Variants in PTPRD observed in about 807,000 individuals in gnomAD.
PTPRD encodes the protein protein tyrosine phosphatase receptor type D.
Under a neutral mutation model 214.5 loss-of-function variants are expected in PTPRD, and 34 were observed. The observed-to-expected ratio is 0.16, with a 90% CI of 0.12 to 0.21. PTPRD has a LOEUF of 0.21. PTPRD is among the 10% of genes least tolerant of loss of function. PTPRD has a pLI of 1.00. For synonymous variants in PTPRD, 1,128 were observed against 845.7 expected (o/e 1.33, Z -5.79); for missense variants, 2,545 against 2,398.7 (o/e 1.06, Z -1.27).
Position 8,485,343 on chromosome 9 carries a change from C to G in PTPRD, c.3056-19G>C, listed in dbSNP as rs2135868929. 1.8e-5 allele frequency: 29 copies of G among 1,573,962 alleles called. No individual in the cohort carries two copies. Among genetic ancestry groups the G allele is most frequent in the Non-Finnish European group, 2.4e-5 (27 of 1,143,974 alleles). ...GCAAACACTGCTGGAAAAGGAAAAA[C>G]AGTGTATTTAAACTATTCTTAAAAC... On this transcript the variant is annotated intron_variant, in intron 28 of 45. Transcript: ENST00000381196.
intron 8 of PTPRD, among the ~76,000 whole-genome samples, chr9:9,409,977 T>C (rs373139777): frequency 1.3e-5 from 2 of 152,196 alleles, no homozygotes; most frequent in East Asian, 3.8e-4. Flanking sequence ...CTGACTACCA[T>C]CTTTTACTAC....
At chr9:10,241,002 A>C (rs2090922496) in intron 3 of PTPRD, among the ~76,000 whole-genome samples, 2 of 142,016 alleles carry the variant, frequency 1.4e-5, no homozygotes, top group Non-Finnish European at 3.1e-5. Context: ...AAAGAAAGAT[A>C]TAAATACCAG....
At chr9:9,542,456 A>T (rs1451668253) in intron 8 of PTPRD, among the ~76,000 whole-genome samples, 3 of 151,802 alleles carry the variant, frequency 2.0e-5, no homozygotes, top group East Asian at 3.9e-4. Flanking sequence ...TAAAAAAGTT[A>T]TATTGAATTT....
intron 4 of PTPRD, among the ~76,000 whole-genome samples, chr9:10,022,667 CATTAA>C (rs1428339090): frequency 6.6e-6 from 1 of 152,106 alleles, no homozygotes; most frequent in African/African-American, 2.4e-5. Flanking sequence ...GGAAAAAAAT[CATTAA>C]ATTAATTTAT....
chr9:8,681,775 T>C (rs1470743435), intron 12 of PTPRD, among the ~76,000 whole-genome samples: 1 of 152,212 alleles, frequency 6.6e-6, no homozygotes, highest in East Asian at 1.9e-4. Flanking sequence ...TTCTCCACTG[T>C]CATTATTGTT....
intron 3 of PTPRD, among the ~76,000 whole-genome samples, chr9:10,318,629 T>C (rs972719061): frequency 1.3e-5 from 2 of 152,044 alleles, no homozygotes; most frequent in African/African-American, 2.4e-5. Flanking sequence ...ATTTAATTTT[T>C]TGAGACAGGG....
intron 7 of PTPRD, among the ~76,000 whole-genome samples, chr9:9,576,602 T>C (rs1198117387): frequency 6.6e-6 from 1 of 152,196 alleles, no homozygotes; most frequent in Admixed American, 6.5e-5. Context: ...TCCCTTTTTA[T>C]CTAGAGGTGC....
Position 10,479,654 on chromosome 9 carries a change from T to TAAACAAACAAAC in PTPRD, c.-600+132743_-600+132744insGTTTGTTTGTTT, listed in dbSNP as rs879309037. On this transcript the variant is annotated intron_variant, in intron 2 of 45. Transcript: ENST00000381196. ...ATAAATAAATAAATAAATAAATAAA[T>TAAACAAACAAAC]AAATAAACAAAAATACAAAAATTTG... Among the ~76,000 whole-genome samples, 28 of 64,206 alleles carry TAAACAAACAAAC rather than the reference T, an allele frequency of 4.4e-4. 1 individual carries two copies. The highest frequency in any genetic ancestry group is 2.8e-3 in the South Asian group (6 of 2,130). 42.1% of individuals were successfully genotyped at this position (64,206 alleles called of 152,430 possible).
chr9:9,819,937 A>C (rs1598729673), intron 5 of PTPRD, among the ~76,000 whole-genome samples: 1 of 152,316 alleles, frequency 6.6e-6, no homozygotes, highest in East Asian at 1.9e-4. Context: ...GCTATTGTGA[A>C]TAGCACTGCA....
chr9:8,747,174 T>C (rs916172119), intron 11 of PTPRD, among the ~76,000 whole-genome samples: 1 of 152,218 alleles, frequency 6.6e-6, no homozygotes, highest in African/African-American at 2.4e-5. Flanking sequence ...TTTTAAATCA[T>C]AGGTTTAATC....
At chr9:8,441,102 A>T (rs1372937184) in intron 34 of PTPRD, among the ~76,000 whole-genome samples, 2 of 152,214 alleles carry the variant, frequency 1.3e-5, no homozygotes, top group African/African-American at 4.8e-5. Flanking sequence ...TAAGTATCAT[A>T]TAGTCAACAT....
chr9:10,370,005 T>G (rs372500002), intron 2 of PTPRD, among the ~76,000 whole-genome samples: 1 of 152,048 alleles, frequency 6.6e-6, no homozygotes, highest in Non-Finnish European at 1.5e-5. Flanking sequence ...AGCCATATTA[T>G]GATGCAGGCA....
At position 9,086,633 on chromosome 9, in the gene PTPRD, A is replaced by G. The variant is rs145941035; in HGVS notation, c.-142-67898T>C. 4.2e-3 allele frequency among the ~76,000 whole-genome samples: 638 copies of G among 152,248 alleles called. 5 individuals carry two copies. Among genetic ancestry groups the G allele is most frequent in the African/African-American group, 0.014 (594 of 41,546 alleles). On this transcript the variant is annotated intron_variant, in intron 10 of 45. Coordinates refer to ENST00000381196, the MANE Select transcript of PTPRD (RefSeq NM_002839.4). ...TGGAAAGTGGGCTTAAATTGTTCCT[A>G]GGAAATATAGGTGGCTGAATTCTGT... is the stretch of plus-strand genomic sequence containing the variant.
At chr9:9,044,917 C>G (rs1252093460) in intron 10 of PTPRD, among the ~76,000 whole-genome samples, 2 of 152,164 alleles carry the variant, frequency 1.3e-5, no homozygotes, top group Non-Finnish European at 2.9e-5. Flanking sequence ...CAGCACTAGT[C>G]AGGCCATTTG....
intron 7 of PTPRD, among the ~76,000 whole-genome samples, chr9:9,719,431 G>A (rs1404475243): frequency 6.6e-6 from 1 of 152,206 alleles, no homozygotes; most frequent in Non-Finnish European, 1.5e-5. Flanking sequence ...GGATTGAAGA[G>A]TGGTGAACCT....
chr9:8,941,981 T>C (rs2099036807), intron 11 of PTPRD, among the ~76,000 whole-genome samples: 1 of 152,128 alleles, frequency 6.6e-6, no homozygotes, highest in Admixed American at 6.5e-5. Flanking sequence ...AATTTTTGTA[T>C]TTTTACTAGA....
At chr9:10,369,966 A>G (rs1407957026) in intron 2 of PTPRD, among the ~76,000 whole-genome samples, 1 of 152,104 alleles carries the variant, frequency 6.6e-6, no homozygotes, top group Non-Finnish European at 1.5e-5. Context: ...TCCTAATACT[A>G]TACATATATT....
chr9:9,802,144 C>G (rs2099044808), intron 5 of PTPRD, among the ~76,000 whole-genome samples: 1 of 151,982 alleles, frequency 6.6e-6, no homozygotes, highest in Non-Finnish European at 1.5e-5. Flanking sequence ...GGTGCAGACA[C>G]AGTCTGGTCC....
At chr9:10,169,466 T>A (rs2099186053) in intron 3 of PTPRD, among the ~76,000 whole-genome samples, 2 of 99,344 alleles carry the variant, frequency 2.0e-5, no homozygotes, top group Non-Finnish European at 3.7e-5. Context: ...AGAGCGAGAC[T>A]CTGTCTCAAA....
Sources: allele counts gnomAD v4.1 joint callset (sites outside exome capture counted in the v4.1 genomes callset), GRCh38; gene constraint gnomAD v4.1.1; transcripts MANE v1.5; gene names NCBI Gene and HGNC (gene_info 2026-07-23, HGNC 2026-07-21).